Variants in PRKN observed in about 807,000 individuals in gnomAD.
The protein encoded by PRKN is E3 ubiquitin-protein ligase parkin.
A neutral mutation model predicts 59.5 loss-of-function variants in PRKN; 56 were observed. That is an observed-to-expected ratio of 0.94 (90% CI 0.76 to 1.18). The LOEUF is 1.18. Among genes scored for constraint, PRKN ranks in the 50% most tolerant of loss-of-function variants. The probability of loss-of-function intolerance (pLI) is 0.00; values close to 1 mark genes in which losing one functional copy is unlikely to be tolerated. For missense variants in PRKN, 657 were observed against 596.4 expected, an observed-to-expected ratio of 1.10 and a Z score of -1.06; for synonymous variants, 250 against 222.1, an observed-to-expected ratio of 1.13 and a Z score of -1.12.
At chr6:161,569,914 G>T (rs1480338625) in intron 7 of PRKN, among the ~76,000 whole-genome samples, 1 of 151,960 alleles carries the variant, frequency 6.6e-6, no homozygotes, top group Non-Finnish European at 1.5e-5. Flanking sequence ...TCAGCTGGCG[G>T]TTAGTACCTT....
chr6:162,472,403 G>A lies in PRKN; in HGVS notation c.8-28930C>T, dbSNP rs1003622719. On this transcript the variant is annotated intron_variant, in intron 1 of 11. Transcript: ENST00000366898. Reference sequence around the variant, plus strand: ...GATGTTCCCCACTCTGTGTCCAAGTGTTCTCATTGTTCAATTCCCACCTAT... The same window carrying A: ...GATGTTCCCCACTCTGTGTCCAAGTATTCTCATTGTTCAATTCCCACCTAT... Among the ~76,000 whole-genome samples, 96 of 138,550 alleles carry A rather than the reference G, an allele frequency of 6.9e-4. 2 individuals are homozygous for A. The highest frequency in any genetic ancestry group is 2.3e-4 in the South Asian group (1 of 4,358). 90.9% of individuals were successfully genotyped at this position (138,550 alleles called of 152,430 possible).
chr6:161,716,153 G>A, intron 7 of PRKN: 1 of 1,295,846 alleles, frequency 7.7e-7, no homozygotes. Context: ...GAATACAGAG[G>A]AGACTGGGTT....
intron 2 of PRKN, among the ~76,000 whole-genome samples, chr6:162,339,541 G>C (rs1784062056): frequency 6.8e-6 from 1 of 147,888 alleles, no homozygotes; most frequent in African/African-American, 2.5e-5. Context: ...CGCCCGGCCA[G>C]CCGCCCCGTC....
Position 161,816,727 on chromosome 6 carries a change from CAA to C in PRKN, c.735-30821_735-30820del, listed in dbSNP as rs36108714. ...TGGGTGACAGAGTGAGACTCCATCT[CAA>C]AAAAAAAAAAAAATTGTTCATGCGC... is the stretch of plus-strand genomic sequence containing the variant. On this transcript the variant is annotated intron_variant, in intron 6 of 11. Transcript: ENST00000366898. Among the ~76,000 whole-genome samples the C allele has an allele frequency of 2.3e-3, 322 of 141,466 alleles. 1 individual carries two copies. The highest frequency in any genetic ancestry group is 7.5e-3 in the Middle Eastern group (2 of 266). 92.8% of individuals were successfully genotyped at this position (141,466 alleles called of 152,430 possible).
In PRKN at chr6:161,363,132, C is replaced by A. The variant is rs1353991361; in HGVS notation, c.1168-2927G>T. On this transcript the variant is annotated intron_variant, in intron 10 of 11. Coordinates refer to ENST00000366898, the MANE Select transcript of PRKN (RefSeq NM_004562.3). The surrounding 1 kb of genome is among the most constrained non-coding windows in gnomAD (Gnocchi z 4.1). ...TGGTGTGCACCTGTAGTCCCAGGTA[C>A]TTGGGAGGCTGAGGCAGGAGAAGTA... is the stretch of plus-strand genomic sequence containing the variant. Among the ~76,000 whole-genome samples the A allele has an allele frequency of 6.6e-6, 1 of 152,012 alleles. No homozygotes were observed. Among genetic ancestry groups the A allele is most frequent in the Non-Finnish European group, 1.5e-5 (1 of 68,002 alleles).
intron 6 of PRKN, among the ~76,000 whole-genome samples, chr6:161,874,835 TAATATATAA>T (rs1291998225): frequency 2.9e-5 from 3 of 102,624 alleles, no homozygotes; most frequent in Non-Finnish European, 1.7e-5. Context: ...ATAAAATGTA[TAATATATAA>T]AATATATAAA....
intron 1 of PRKN, among the ~76,000 whole-genome samples, chr6:162,681,373 G>C (rs964696922): frequency 6.6e-5 from 10 of 152,160 alleles, no homozygotes; most frequent in African/African-American, 9.7e-5. Flanking sequence ...TGAGGCAGGA[G>C]AATAGAGTCT....
rs1031941670 is a variant in PRKN, at chr6:161,397,393, C to T, written c.1084-10516G>A. ...GTCTTAAGGGTCCCATAGAAGAGAT[C>T]CAGGCGGGTTGAGGTCAGTGGGTAA... On this transcript the variant is annotated intron_variant, in intron 9 of 11. Transcript: ENST00000366898. The surrounding 1 kb of genome is among the most constrained non-coding windows in gnomAD (Gnocchi z 4.2). 1.3e-5 allele frequency among the ~76,000 whole-genome samples: 2 copies of T among 152,138 alleles called. No homozygotes were observed. Among genetic ancestry groups the T allele is most frequent in the Non-Finnish European group, 2.9e-5 (2 of 68,030 alleles).
chr6:162,388,271 C>T (rs2128143376), intron 2 of PRKN, among the ~76,000 whole-genome samples: 1 of 152,208 alleles, frequency 6.6e-6, no homozygotes, highest in South Asian at 2.1e-4. Flanking sequence ...TCCTCTCTGA[C>T]CTCTAGGGCC....
intron 2 of PRKN, among the ~76,000 whole-genome samples, chr6:162,427,668 T>C (rs1348198134): frequency 1.3e-5 from 2 of 150,380 alleles, no homozygotes; most frequent in African/African-American, 4.9e-5. Context: ...TTTTTTTTGA[T>C]GGAGTCTCGC....
At position 162,622,294 on chromosome 6, in the gene PRKN, T is replaced by G. The variant is rs1205075038; in HGVS notation, c.7+105368A>C. Reference sequence around the variant, plus strand: ...CTATTATTTCCTTTCAAATTCTGTTTTTTTTTTTGTTTTGTTTTTTTTTGG... The same window carrying G: ...CTATTATTTCCTTTCAAATTCTGTTGTTTTTTTTGTTTTGTTTTTTTTTGG... On this transcript the variant is annotated intron_variant, in intron 1 of 11. Coordinates refer to ENST00000366898, the MANE Select transcript of PRKN (RefSeq NM_004562.3). 4.6e-5 allele frequency among the ~76,000 whole-genome samples: 6 copies of G among 129,082 alleles called. No individual in the cohort carries two copies. In the South Asian group the frequency reaches 7.9e-4, roughly 17 times the overall value. 84.7% of individuals were successfully genotyped at this position (129,082 alleles called of 152,430 possible).
At chr6:161,746,901 T>C (rs2128193362) in intron 7 of PRKN, among the ~76,000 whole-genome samples, 1 of 151,248 alleles carries the variant, frequency 6.6e-6, no homozygotes, top group East Asian at 1.9e-4. Context: ...TATGTATGTA[T>C]GTATAATACT....
intron 9 of PRKN, among the ~76,000 whole-genome samples, chr6:161,434,403 C>A (rs972358676): frequency 1.3e-5 from 2 of 152,138 alleles, no homozygotes; most frequent in Non-Finnish European, 2.9e-5. Flanking sequence ...ATCTGCCTGC[C>A]GGCTGTTGGG....
rs1554243441 is a variant in PRKN at position 162,556,366 on chromosome 6, T to TGTGTGCGC, written c.8-112894_8-112893insGCGCACAC. On this transcript the variant is annotated intron_variant, in intron 1 of 11. Coordinates refer to ENST00000366898, the MANE Select transcript of PRKN (RefSeq NM_004562.3). ...TGGTGTGTGTGTGTGTGTGTGTGTG[T>TGTGTGCGC]GTGTGTGTGTGTGTGTGTGTGTGTG... Among the ~76,000 whole-genome samples the TGTGTGCGC allele has an allele frequency of 1.6e-3, 158 of 98,362 alleles. 3 individuals carry two copies. Among genetic ancestry groups the TGTGTGCGC allele is most frequent in the Non-Finnish European group, 2.6e-3 (110 of 42,416 alleles). 64.5% of individuals were successfully genotyped at this position (98,362 alleles called of 152,430 possible).
intron 10 of PRKN, among the ~76,000 whole-genome samples, chr6:161,382,508 G>A (rs1786041518): frequency 6.6e-6 from 1 of 152,210 alleles, no homozygotes; most frequent in Admixed American, 6.5e-5. Flanking sequence ...TGAATAGGGA[G>A]AGGAACATCA....
chr6:162,028,727 A>G (rs372579616), intron 5 of PRKN, among the ~76,000 whole-genome samples: 152 of 152,300 alleles, frequency 1.0e-3, no homozygotes, highest in African/African-American at 3.5e-3. Context: ...TTGGCTTGGG[A>G]ATATTGGGAG....
At chr6:162,022,797 C>T (rs1783258782) in intron 5 of PRKN, among the ~76,000 whole-genome samples, 1 of 152,148 alleles carries the variant, frequency 6.6e-6, no homozygotes, top group Non-Finnish European at 1.5e-5. Context: ...CAGTGCCTTA[C>T]ACATAAGTCT....
intron 1 of PRKN, among the ~76,000 whole-genome samples, chr6:162,479,240 T>C (rs1219477663): frequency 6.6e-6 from 1 of 152,016 alleles, no homozygotes; most frequent in Non-Finnish European, 1.5e-5. Context: ...TTTTCTTTTT[T>C]TTTGAGACGG....
intron 3 of PRKN, among the ~76,000 whole-genome samples, chr6:162,223,660 CAA>C (rs11309791): frequency 1.3e-5 from 1 of 75,780 alleles, no homozygotes; most frequent in African/African-American, 8.5e-5. Flanking sequence ...CACACACACA[CAA>C]ACATAATGCT....
Sources: allele counts gnomAD v4.1 joint callset (sites outside exome capture counted in the v4.1 genomes callset), GRCh38; gene constraint gnomAD v4.1.1; non-coding constraint Gnocchi (gnomAD v3.1); transcripts MANE v1.5; gene names NCBI Gene and HGNC (gene_info 2026-07-23, HGNC 2026-07-21).